Variants in GPR137C observed in about 807,000 individuals in gnomAD.
The protein encoded by GPR137C is integral membrane protein GPR137C.
A neutral mutation model predicts 43.4 loss-of-function variants in GPR137C; 27 were observed. The observed-to-expected ratio is 0.62, with a 90% CI of 0.46 to 0.86. GPR137C has a LOEUF of 0.86. Among genes scored for constraint, GPR137C ranks in the 40% least tolerant of loss-of-function variants. The probability of loss-of-function intolerance (pLI) is 0.00; values close to 1 mark genes in which losing one functional copy is unlikely to be tolerated. For synonymous variants in GPR137C, 285 were observed against 226.9 expected (o/e 1.26, Z -2.30); for missense variants, 522 against 534.6 (o/e 0.98, Z 0.23).
chr14:52,602,977 A>T (rs938626426), intron 3 of GPR137C, among the ~76,000 whole-genome samples: 1 of 152,138 alleles, frequency 6.6e-6, no homozygotes, highest in African/African-American at 2.4e-5. Context: ...AGTTCTTTCT[A>T]GTTATTTTGA....
At chr14:52,634,473 G>C (rs1467222154) in intron 6 of GPR137C, among the ~76,000 whole-genome samples, 3 of 152,028 alleles carry the variant, frequency 2.0e-5, no homozygotes. Context: ...AGCTTGATAT[G>C]ACATTTTCTG....
At chr14:52,602,869 G>A (rs532696871) in intron 3 of GPR137C, among the ~76,000 whole-genome samples, 2 of 152,210 alleles carry the variant, frequency 1.3e-5, no homozygotes, top group Admixed American at 6.5e-5. Context: ...TGGGGTACAT[G>A]TGATATTTTG....
intron 2 of GPR137C, among the ~76,000 whole-genome samples, chr14:52,599,303 G>T (rs995620756): frequency 6.6e-6 from 1 of 152,084 alleles, no homozygotes; most frequent in Non-Finnish European, 1.5e-5. Flanking sequence ...GTATTAATGG[G>T]TGCTTGAAGC....
At chr14:52,554,195 G>C (rs1157207874) in intron 1 of GPR137C, among the ~76,000 whole-genome samples, 1 of 152,188 alleles carries the variant, frequency 6.6e-6, no homozygotes, top group East Asian at 1.9e-4. Flanking sequence ...TGAGGATCAG[G>C]ATAAGGACCT....
At chr14:52,557,058 C>T (rs1172525998) in intron 1 of GPR137C, among the ~76,000 whole-genome samples, 1 of 152,114 alleles carries the variant, frequency 6.6e-6, no homozygotes, top group Non-Finnish European at 1.5e-5. Context: ...CTTCAAATAA[C>T]ATGCAAGTCA....
chr14:52,623,952 G>C (rs1157222553), intron 3 of GPR137C, among the ~76,000 whole-genome samples: 2 of 151,954 alleles, frequency 1.3e-5, no homozygotes, highest in Admixed American at 1.3e-4. Context: ...TTCATTTTCA[G>C]AATGTTTTTC....
intron 3 of GPR137C, among the ~76,000 whole-genome samples, chr14:52,630,964 G>T (rs1280431192): frequency 6.6e-6 from 1 of 152,120 alleles, no homozygotes; most frequent in African/African-American, 2.4e-5. Context: ...TTACAGGTGT[G>T]TTGCATTGGT....
chr14:52,604,797 C>A (rs997358447), intron 3 of GPR137C, among the ~76,000 whole-genome samples: 3 of 152,044 alleles, frequency 2.0e-5, no homozygotes, highest in Non-Finnish European at 4.4e-5. Context: ...GTTTTCCCAG[C>A]ACCATTTATT....
At chr14:52,565,980 A>G (rs553959766) in intron 1 of GPR137C, among the ~76,000 whole-genome samples, 3 of 152,308 alleles carry the variant, frequency 2.0e-5, no homozygotes, top group Admixed American at 6.5e-5. Context: ...GAATTCTAGT[A>G]TGCTGATACT....
chr14:52,555,442 A>AC (rs1019461145), intron 1 of GPR137C, among the ~76,000 whole-genome samples: 4 of 152,030 alleles, frequency 2.6e-5, no homozygotes, highest in African/African-American at 9.7e-5. Flanking sequence ...TTCCCTTTTT[A>AC]CCCTCTCCCA....
intron 1 of GPR137C, among the ~76,000 whole-genome samples, chr14:52,585,329 A>G (rs748505094): frequency 6.6e-6 from 1 of 152,142 alleles, no homozygotes; most frequent in East Asian, 1.9e-4. Flanking sequence ...TCTTCTGTCT[A>G]GAGCCTTCCT....
intron 1 of GPR137C, among the ~76,000 whole-genome samples, chr14:52,563,133 C>T (rs1408141373): frequency 2.6e-5 from 4 of 152,124 alleles, no homozygotes; most frequent in South Asian, 4.1e-4. Flanking sequence ...AATTGACCCC[C>T]CATATCTTTC....
chr14:52,583,623 G>A (rs1435897335), intron 1 of GPR137C, among the ~76,000 whole-genome samples: 1 of 152,002 alleles, frequency 6.6e-6, no homozygotes, highest in Non-Finnish European at 1.5e-5. Context: ...TGTCTTTTGT[G>A]GGAAAAATGA....
chr14:52,614,308 A>G (rs1481510311), intron 3 of GPR137C, among the ~76,000 whole-genome samples: 4 of 151,804 alleles, frequency 2.6e-5, no homozygotes, highest in Non-Finnish European at 4.4e-5. Context: ...TTCTGTAGAG[A>G]TAGGGTTTCA....
In GPR137C at chr14:52,553,554, T is replaced by A. The variant is rs1207627731; in HGVS notation, c.407T>A (p.Phe136Tyr). The change falls in exon 1 of 7, where the codon TTC (phenylalanine) becomes TAC (tyrosine). Residue 136 changes from phenylalanine to tyrosine, a missense_variant. Phe to Tyr is a conservative substitution (Grantham distance 22). Coordinates refer to ENST00000321662, the MANE Select transcript of GPR137C (RefSeq NM_001099652.2). ...TACTGCTTCCCCTCCTGTCTCCAGT[T>A]CTCCACGCTCTGTCTCCTCAACCTC... ...LLYCFPSCLQFSTLCLLNLYL... is the reference protein window; with the variant it reads ...LLYCFPSCLQYSTLCLLNLYL... 1.2e-6 allele frequency: 2 copies of A among 1,606,332 alleles called. No homozygotes were observed. The highest frequency in any genetic ancestry group is 1.7e-6 in the Non-Finnish European group (2 of 1,178,082).
Position 52,598,560 on chromosome 14 carries a change from T to G in GPR137C, c.488+245T>G, listed in dbSNP as rs899078437. 3.3e-5 allele frequency among the ~76,000 whole-genome samples: 5 copies of G among 152,246 alleles called. No individual in the cohort carries two copies. The South Asian group carries it at 8.3e-4, about 25-fold the overall frequency. On this transcript the variant is annotated intron_variant, in intron 2 of 6. Transcript: ENST00000321662. ...AGCCATACAGCTGACTAATTTTTTG[T>G]TTTTTTGCTGCTCTGTCCCTGCTTC...
At chr14:52,613,568 T>G (rs79060796) in intron 3 of GPR137C, 1,790 of 173,630 alleles carry the variant, frequency 0.01, 29 homozygotes, top group African/African-American at 0.039. Flanking sequence ...TCAATTGTTC[T>G]GATTTTTAGC....
intron 3 of GPR137C, among the ~76,000 whole-genome samples, chr14:52,607,937 C>G (rs967132300): frequency 1.3e-5 from 2 of 151,840 alleles, no homozygotes; most frequent in Non-Finnish European, 2.9e-5. Context: ...TCTTCCTACT[C>G]CTTTTTGGTT....
chr14:52,589,607 A>G (rs981719218), intron 1 of GPR137C, among the ~76,000 whole-genome samples: 3 of 152,196 alleles, frequency 2.0e-5, no homozygotes, highest in Non-Finnish European at 4.4e-5. Flanking sequence ...GACTAACAGT[A>G]TACTATTTTA....
Sources: allele counts gnomAD v4.1 joint callset (sites outside exome capture counted in the v4.1 genomes callset), GRCh38; gene constraint gnomAD v4.1.1; transcripts MANE v1.5; gene names NCBI Gene and HGNC (gene_info 2026-07-23, HGNC 2026-07-21).